KIAA0319: variants seen among roughly 807,000 people sequenced by gnomAD.
The protein encoded by KIAA0319 is KIAA0319, also known as dyslexia-associated protein KIAA0319.
A neutral mutation model predicts 108.4 loss-of-function variants in KIAA0319; 83 were observed. The observed-to-expected ratio is 0.77, with a 90% CI of 0.64 to 0.92. KIAA0319 has a LOEUF of 0.92. Among genes scored for constraint, KIAA0319 ranks in the 40% least tolerant of loss-of-function variants. KIAA0319 has a pLI of 0.00. For synonymous variants in KIAA0319, 484 were observed against 510.4 expected, an observed-to-expected ratio of 0.95 and a Z score of 0.70; for missense variants, 1,195 against 1,322.4, an observed-to-expected ratio of 0.90 and a Z score of 1.49.
intron 1 of KIAA0319, among the ~76,000 whole-genome samples, chr6:24,644,024 A>G (rs984360551): frequency 3.9e-5 from 6 of 152,264 alleles, no homozygotes; most frequent in Admixed American, 2.6e-4. Context: ...CAGTGCCTCA[A>G]TAACATAGTT....
At chr6:24,608,460 CA>C (rs1245884047) in intron 1 of KIAA0319, among the ~76,000 whole-genome samples, 1 of 151,634 alleles carries the variant, frequency 6.6e-6, no homozygotes, top group Non-Finnish European at 1.5e-5. Flanking sequence ...GAAAAAAGGC[CA>C]AAATTTTTTG....
chr6:24,613,679 G>GA (rs57271356), intron 1 of KIAA0319, among the ~76,000 whole-genome samples: 30,573 of 136,572 alleles, frequency 0.22, 3,249 homozygotes, highest in African/African-American at 0.23. Flanking sequence ...TCATTTGAGG[G>GA]AAAAAAAAAA....
chr6:24,617,660 C>G (rs1773346903), intron 1 of KIAA0319, among the ~76,000 whole-genome samples: 1 of 152,040 alleles, frequency 6.6e-6, no homozygotes, highest in African/African-American at 2.4e-5. Context: ...GGAGTAGGAG[C>G]AAAAATGCCT....
intron 4 of KIAA0319, among the ~76,000 whole-genome samples, chr6:24,584,428 AT>A (rs200599034): frequency 7.3e-5 from 9 of 123,480 alleles, no homozygotes; most frequent in African/African-American, 2.8e-4. Flanking sequence ...AAAAGCAAAG[AT>A]TTAAAAAAAA....
At chr6:24,564,127 C>T in intron 15 of KIAA0319, 75 bp downstream of exon 15, 1 of 1,585,440 alleles carries the variant, frequency 6.3e-7, no homozygotes, top group Non-Finnish European at 8.6e-7. Context: ...ACACTGGTCA[C>T]ATCTGTCAGC....
At chr6:24,626,446 C>T (rs894910318) in intron 1 of KIAA0319, among the ~76,000 whole-genome samples, 7 of 152,110 alleles carry the variant, frequency 4.6e-5, no homozygotes, top group African/African-American at 7.2e-5. Context: ...GCACGAGAAT[C>T]GCTTGAACCT....
In KIAA0319 at chr6:24,579,898, C is replaced by A; in HGVS notation, c.1332G>T (p.Glu444Asp). ...PVAVVSPQLQELTLPLTSALI... is the reference protein window; with the variant it reads ...PVAVVSPQLQDLTLPLTSALI... ...GGGCTGACGTCAAAGGCAAAGTGAG[C>A]TCTTGCAGTTGGGGAGAAACAACTG... Residue 444 changes from glutamate (E) to aspartate (D), a missense_variant, in exon 8 of 21, where the codon GAG becomes GAT. By Grantham distance (45) the Glu-to-Asp change is conservative. Coordinates refer to ENST00000378214, the MANE Select transcript of KIAA0319 (RefSeq NM_014809.4). 1 of 1,604,578 alleles carries A rather than the reference C, an allele frequency of 6.2e-7. No homozygotes were observed. The highest frequency in any genetic ancestry group is 8.5e-7 in the Non-Finnish European group (1 of 1,175,102).
intron 1 of KIAA0319, among the ~76,000 whole-genome samples, chr6:24,609,692 C>A (rs2127550919): frequency 1.3e-5 from 2 of 152,046 alleles, no homozygotes; most frequent in South Asian, 4.1e-4. Flanking sequence ...TATCCCTGAA[C>A]CAGATAAATT....
At chr6:24,645,201 AC>A (rs929977737) in intron 1 of KIAA0319, among the ~76,000 whole-genome samples, 23 of 152,234 alleles carry the variant, frequency 1.5e-4, no homozygotes, top group African/African-American at 3.1e-4. Context: ...TCACCGACAA[AC>A]AAAAATGTTT....
At chr6:24,613,798 G>A (rs1304513628) in intron 1 of KIAA0319, among the ~76,000 whole-genome samples, 3 of 151,968 alleles carry the variant, frequency 2.0e-5, no homozygotes, top group Non-Finnish European at 4.4e-5. Context: ...CAAAGAGATG[G>A]AATTACCATG....
chr6:24,589,247 C>T (rs1768059717), intron 3 of KIAA0319, among the ~76,000 whole-genome samples: 1 of 152,182 alleles, frequency 6.6e-6, no homozygotes, highest in African/African-American at 2.4e-5. Flanking sequence ...GGAGAAAGAG[C>T]TAGCTAGCTC....
intron 2 of KIAA0319, chr6:24,598,963 T>C: frequency 6.4e-6 from 4 of 625,938 alleles, no homozygotes; most frequent in South Asian, 4.9e-5. Context: ...GAAGCTTACA[T>C]GAACAAGGTA....
intron 18 of KIAA0319, among the ~76,000 whole-genome samples, chr6:24,555,057 T>G (rs1052712609): frequency 6.6e-6 from 1 of 152,232 alleles, no homozygotes; most frequent in Non-Finnish European, 1.5e-5. Flanking sequence ...GTTTATGGCA[T>G]GAAGACATTT....
intron 11 of KIAA0319, among the ~76,000 whole-genome samples, chr6:24,572,118 G>A (rs921863591): frequency 1.3e-5 from 2 of 152,188 alleles, no homozygotes; most frequent in Non-Finnish European, 2.9e-5. Flanking sequence ...AAGTTCTAAG[G>A]CAAAGACCAT....
chr6:24,604,513 A>G (rs1022531883), intron 1 of KIAA0319, among the ~76,000 whole-genome samples: 3 of 152,230 alleles, frequency 2.0e-5, no homozygotes, highest in Admixed American at 1.3e-4. Context: ...CTCTGAAGGA[A>G]CACAGTTTGG....
At chr6:24,557,252 G>A (rs576664261) in intron 17 of KIAA0319, among the ~76,000 whole-genome samples, 1 of 151,954 alleles carries the variant, frequency 6.6e-6, no homozygotes, top group Non-Finnish European at 1.5e-5. Flanking sequence ...CTGTAATCCC[G>A]GCACTTTGGG....
intron 16 of KIAA0319, 65 bp downstream of exon 16, chr6:24,563,294 C>A: frequency 1.3e-6 from 2 of 1,519,532 alleles, no homozygotes; most frequent in Non-Finnish European, 8.9e-7. Context: ...TTCTACTGGA[C>A]TGGGATGAGG....
At chr6:24,596,945 T>TTCTA (rs35845074) in intron 2 of KIAA0319, among the ~76,000 whole-genome samples, 5,647 of 151,534 alleles carry the variant, frequency 0.037, 150 homozygotes, top group Middle Eastern at 0.085. Context: ...CCTTCTACTT[T>TTCTA]TCCATCCATC....
At chr6:24,549,227 A>T (rs1053590481) in intron 20 of KIAA0319, among the ~76,000 whole-genome samples, 1 of 150,540 alleles carries the variant, frequency 6.6e-6, no homozygotes, top group African/African-American at 2.4e-5. Context: ...TTGGGAGGCT[A>T]AGGCATGAGA....
Sources: gnomAD v4.1 joint callset for allele counts (sites outside exome capture counted in the v4.1 genomes callset) on GRCh38, gnomAD v4.1.1 for gene constraint, MANE v1.5 for transcripts, NCBI Gene and HGNC (gene_info 2026-07-23, HGNC 2026-07-21) for gene names.